The following DOCK1 variants were observed in gnomAD, a reference collection of about 807,000 sequenced individuals.
DOCK1 encodes dedicator of cytokinesis protein 1.
Under a neutral mutation model 262.7 loss-of-function variants are expected in DOCK1, and 138 were observed. That is an observed-to-expected ratio of 0.53 (90% CI 0.46 to 0.61). The LOEUF (loss-of-function observed/expected upper bound fraction) is 0.61, where lower values mean the gene tolerates loss of function less well. DOCK1 is among the 20% of genes least tolerant of loss of function. The pLI is 0.00. For synonymous variants in DOCK1, 866 were observed against 867.4 expected (o/e 1.00, Z 0.03); for missense variants, 1,908 against 2,370.7 (o/e 0.80, Z 4.05).
rs2070983770 is a variant in DOCK1 at position 127,451,712 on chromosome 10, G to A, written c.*285G>A. On this transcript the variant is annotated 3_prime_UTR_variant, in exon 52 of 52. Transcript: ENST00000623213. Reference sequence around the variant, plus strand: ...CTGGCTCTGAGAGAGTCTGAGTCTTGCCCAAACATTCTTTCTTTTTGTGCC... The same window carrying A: ...CTGGCTCTGAGAGAGTCTGAGTCTTACCCAAACATTCTTTCTTTTTGTGCC... 1 of 499,556 alleles carries A rather than the reference G, an allele frequency of 2.0e-6. No homozygotes were observed. The highest frequency in any genetic ancestry group is 3.3e-6 in the Non-Finnish European group (1 of 302,288). The allele number at this position is 499,556 out of a possible 1,614,324, so 30.9% of individuals were successfully genotyped here.
At chr10:127,216,787 A>C (rs1279510825) in intron 27 of DOCK1, among the ~76,000 whole-genome samples, 1 of 152,224 alleles carries the variant, frequency 6.6e-6, no homozygotes, top group Non-Finnish European at 1.5e-5. Context: ...TGAAGTTCTG[A>C]AGTACTTAAA....
At chr10:127,375,486 G>A (rs549575813) in intron 35 of DOCK1, among the ~76,000 whole-genome samples, 3 of 152,224 alleles carry the variant, frequency 2.0e-5, no homozygotes, top group East Asian at 3.9e-4. Flanking sequence ...GTGTGGACTT[G>A]TGGGTGCTTT....
At chr10:127,444,952 G>A (rs111725589) in intron 50 of DOCK1, among the ~76,000 whole-genome samples, 6 of 151,846 alleles carry the variant, frequency 4.0e-5, no homozygotes, top group African/African-American at 9.7e-5. Context: ...CCTCCTTCTC[G>A]GTGTCCTCTC....
chr10:127,185,952 T>C (rs1022549898), intron 27 of DOCK1, among the ~76,000 whole-genome samples: 1 of 152,230 alleles, frequency 6.6e-6, no homozygotes, highest in African/African-American at 2.4e-5. Flanking sequence ...TTTGTTCTTA[T>C]ATTACTCAAC....
At chr10:127,297,325 G>A (rs2061536322) in intron 29 of DOCK1, among the ~76,000 whole-genome samples, 1 of 152,154 alleles carries the variant, frequency 6.6e-6, no homozygotes, top group African/African-American at 2.4e-5. Flanking sequence ...GAAGCAAGCG[G>A]TATCTGCAGG....
chr10:126,980,158 C>T (rs1472276335), intron 3 of DOCK1, among the ~76,000 whole-genome samples: 3 of 152,054 alleles, frequency 2.0e-5, no homozygotes, highest in Admixed American at 1.3e-4. Flanking sequence ...AGCAACCCAG[C>T]GTTGGGTCCC....
At chr10:127,205,236 A>G (rs1040777877) in intron 27 of DOCK1, among the ~76,000 whole-genome samples, 1 of 152,128 alleles carries the variant, frequency 6.6e-6, no homozygotes, top group African/African-American at 2.4e-5. Context: ...CTTCACCTTC[A>G]GATTCATACG....
At chr10:127,392,551 A>G (rs1231454207) in intron 38 of DOCK1, among the ~76,000 whole-genome samples, 1 of 152,182 alleles carries the variant, frequency 6.6e-6, no homozygotes, top group Admixed American at 6.5e-5. Flanking sequence ...CGGGGCTTTC[A>G]GGGTGGTCAT....
chr10:127,257,441 G>A lies in DOCK1; in HGVS notation c.3044+12G>A, dbSNP rs758465230. ...ATGGTGCAAAATAAGTAAGTGTGGG[G>A]AAAACGGCTCTCACCTTTTCTATGG... On this transcript the variant is annotated intron_variant, in intron 29 of 51. Coordinates refer to ENST00000623213, the MANE Select transcript of DOCK1 (RefSeq NM_001290223.2). 1.3e-6 allele frequency: 2 copies of A among 1,588,418 alleles called. No individual in the cohort carries two copies. The highest frequency in any genetic ancestry group is 1.7e-6 in the Non-Finnish European group (2 of 1,165,658).
chr10:127,017,284 G>GACACAC (rs565623720), intron 12 of DOCK1, among the ~76,000 whole-genome samples: 916 of 88,470 alleles, frequency 0.01, 8 homozygotes, highest in African/African-American at 0.04. Flanking sequence ...GACACACACA[G>GACACAC]ACACACACAT....
chr10:127,261,663 G>A (rs2060130990), intron 29 of DOCK1, among the ~76,000 whole-genome samples: 1 of 134,010 alleles, frequency 7.5e-6, no homozygotes, highest in African/African-American at 2.9e-5. Flanking sequence ...GCATGTGGGT[G>A]TGTGTGTACC....
At chr10:126,987,834 T>C (rs962036025) in intron 5 of DOCK1, among the ~76,000 whole-genome samples, 2 of 152,114 alleles carry the variant, frequency 1.3e-5, no homozygotes, top group African/African-American at 4.8e-5. Context: ...TTTGGGTGTA[T>C]TACAGTGAGC....
intron 43 of DOCK1, among the ~76,000 whole-genome samples, chr10:127,413,172 C>T (rs1413500804): frequency 6.6e-6 from 1 of 152,178 alleles, no homozygotes; most frequent in Non-Finnish European, 1.5e-5. Flanking sequence ...TAGATATATT[C>T]TTAGACTATA....
At position 127,280,180 on chromosome 10, in the gene DOCK1, A is replaced by G. The variant is rs868748497; in HGVS notation, c.3044+22751A>G. Among the ~76,000 whole-genome samples, 487 of 150,706 alleles carry G rather than the reference A, an allele frequency of 3.2e-3. 1 individual carries two copies. Among genetic ancestry groups the G allele is most frequent in the Middle Eastern group, 0.01 (3 of 292 alleles). The stretch of plus-strand genomic sequence containing the variant: ...CTCCCGAGTAGCTGGGACTACAGGC[A>G]CCCGCCACCGCACCCGGCTAATTTT... On this transcript the variant is annotated intron_variant, in intron 29 of 51. Coordinates refer to ENST00000623213, the MANE Select transcript of DOCK1 (RefSeq NM_001290223.2).
intron 27 of DOCK1, among the ~76,000 whole-genome samples, chr10:127,243,619 C>T (rs75184593): frequency 0.019 from 2,844 of 152,274 alleles, 84 homozygotes; most frequent in African/African-American, 0.06. Context: ...AACTGGGGCA[C>T]TGAGGTACTT....
intron 29 of DOCK1, among the ~76,000 whole-genome samples, chr10:127,334,034 C>T (rs1926426): frequency 0.046 from 6,983 of 152,258 alleles, 213 homozygotes; most frequent in Non-Finnish European, 0.073. Flanking sequence ...TTTGTTTTAA[C>T]ATTTTTAAAA....
intron 1 of DOCK1, among the ~76,000 whole-genome samples, chr10:126,956,774 C>G (rs1336952279): frequency 6.6e-6 from 1 of 152,132 alleles, no homozygotes; most frequent in African/African-American, 2.4e-5. Context: ...GGGCACAGAA[C>G]AGGGGTTTGG....
intron 23 of DOCK1, among the ~76,000 whole-genome samples, chr10:127,081,496 A>C (rs955686768): frequency 6.6e-6 from 1 of 151,814 alleles, no homozygotes; most frequent in Non-Finnish European, 1.5e-5. Context: ...CCCTCCTTAC[A>C]TGAAATCCAA....
intron 1 of DOCK1, among the ~76,000 whole-genome samples, chr10:126,936,285 T>G (rs2034553621): frequency 6.6e-6 from 1 of 152,198 alleles, no homozygotes; most frequent in East Asian, 1.9e-4. Flanking sequence ...TGTGCTTGGC[T>G]GTAGACTTTT....
Sources: allele counts gnomAD v4.1 joint callset (sites outside exome capture counted in the v4.1 genomes callset), GRCh38; gene constraint gnomAD v4.1.1; transcripts MANE v1.5; gene names NCBI Gene and HGNC (gene_info 2026-07-23, HGNC 2026-07-21).